Variants in TBC1D5 observed in about 807,000 individuals in gnomAD.
The protein encoded by TBC1D5 is TBC1 domain family, member 5.
A neutral mutation model predicts 100.3 loss-of-function variants in TBC1D5; 75 were observed. The observed-to-expected ratio is 0.75, with a 90% confidence interval of 0.62 to 0.91. The LOEUF is 0.91. TBC1D5 is among the 40% of genes least tolerant of loss of function. TBC1D5 has a pLI of 0.00. For synonymous variants in TBC1D5, 323 were observed against 325.6 expected, an observed-to-expected ratio of 0.99 and a Z score of 0.09; for missense variants, 910 against 942.4, an observed-to-expected ratio of 0.97 and a Z score of 0.45.
chr3:17,443,452 T>A (rs1410425135), intron 3 of TBC1D5, among the ~76,000 whole-genome samples: 1 of 152,224 alleles, frequency 6.6e-6, no homozygotes, highest in Non-Finnish European at 1.5e-5. Context: ...TATCAACCAA[T>A]GAGAATTCCT....
chr3:17,259,237 A>C (rs2078038711), intron 15 of TBC1D5, among the ~76,000 whole-genome samples: 1 of 152,222 alleles, frequency 6.6e-6, no homozygotes. Flanking sequence ...AAAGTAGCAA[A>C]AACACTGCCC....
chr3:17,394,413 A>C (rs2093441804), intron 8 of TBC1D5, among the ~76,000 whole-genome samples: 1 of 152,094 alleles, frequency 6.6e-6, no homozygotes, highest in Non-Finnish European at 1.5e-5. Flanking sequence ...TTAACAAGTT[A>C]TATTTGTTTA....
At chr3:17,340,400 A>G (rs2088686848) in intron 13 of TBC1D5, among the ~76,000 whole-genome samples, 1 of 152,208 alleles carries the variant, frequency 6.6e-6, no homozygotes, top group Non-Finnish European at 1.5e-5. Context: ...GTAGGCTCAC[A>G]TATAATTCCA....
intron 19 of TBC1D5, among the ~76,000 whole-genome samples, chr3:17,179,291 C>T (rs983325607): frequency 6.6e-6 from 1 of 152,212 alleles, no homozygotes; most frequent in African/African-American, 2.4e-5. Flanking sequence ...TTCTTCCTCA[C>T]TTTTTCAAAT....
At chr3:17,718,036 G>C (rs555073144) in intron 1 of TBC1D5, among the ~76,000 whole-genome samples, 1 of 152,234 alleles carries the variant, frequency 6.6e-6, no homozygotes, top group African/African-American at 2.4e-5. Flanking sequence ...GAAGTACGAA[G>C]TCAATAAGAC....
rs117185041 is a variant in TBC1D5, at chr3:17,184,147, C to T, written c.1852+962G>A. 8.9e-3 allele frequency among the ~76,000 whole-genome samples: 1,360 copies of T among 152,268 alleles called. 79 individuals carry two copies. Among genetic ancestry groups the T allele is most frequent in the Admixed American group, 0.071 (1,084 of 15,290 alleles). ...CTGAAGTGATTCATACATGAGTCAGCATAAAGTATCTCTAATGTGAGATAT... is the reference window on the plus strand; with the variant it reads ...CTGAAGTGATTCATACATGAGTCAGTATAAAGTATCTCTAATGTGAGATAT... On this transcript the variant is annotated intron_variant, in intron 19 of 21. Coordinates refer to ENST00000253692, the Ensembl canonical transcript of TBC1D5.
At chr3:17,430,560 G>T (rs190359811) in intron 3 of TBC1D5, among the ~76,000 whole-genome samples, 210 of 151,810 alleles carry the variant, frequency 1.4e-3, no homozygotes, top group Non-Finnish European at 2.3e-3. Context: ...AGCAAATAAG[G>T]AGTACAATTG....
At chr3:17,445,709 T>A (rs76924461) in intron 3 of TBC1D5, among the ~76,000 whole-genome samples, 1 of 152,208 alleles carries the variant, frequency 6.6e-6, no homozygotes, top group African/African-American at 2.4e-5. Flanking sequence ...AGCATGGTTG[T>A]TAATCTCTTA....
intron 10 of TBC1D5, 78 bp downstream of exon 10, chr3:17,376,447 A>C: frequency 8.2e-7 from 1 of 1,215,352 alleles, no homozygotes; most frequent in Non-Finnish European, 1.2e-6. Context: ...TCCATTTAGA[A>C]GATTTTGAGG....
intron 16 of TBC1D5, among the ~76,000 whole-genome samples, chr3:17,252,764 T>C (rs969459512): frequency 6.6e-6 from 1 of 152,228 alleles, no homozygotes; most frequent in Admixed American, 6.5e-5. Context: ...ATTCTTCCAA[T>C]GACTATAATC....
intron 3 of TBC1D5, among the ~76,000 whole-genome samples, chr3:17,434,888 T>C (rs1477333347): frequency 6.6e-6 from 1 of 152,218 alleles, no homozygotes; most frequent in African/African-American, 2.4e-5. Flanking sequence ...TTGAATGCTT[T>C]GTTGCTTAGA....
intron 18 of TBC1D5, among the ~76,000 whole-genome samples, chr3:17,207,929 T>A (rs1167933892): frequency 6.6e-6 from 1 of 152,226 alleles, no homozygotes; most frequent in African/African-American, 2.4e-5. Flanking sequence ...AGTCTTCAAA[T>A]CTGAAAGGTA....
intron 1 of TBC1D5, among the ~76,000 whole-genome samples, chr3:17,701,282 C>A (rs1253883309): frequency 6.6e-6 from 1 of 151,920 alleles, no homozygotes; most frequent in African/African-American, 2.4e-5. Context: ...TGAACGAGAT[C>A]ACTTGGACAT....
chr3:17,568,604 T>A (rs2096607446), intron 2 of TBC1D5, among the ~76,000 whole-genome samples: 4 of 151,636 alleles, frequency 2.6e-5, no homozygotes, highest in Admixed American at 2.6e-4. Flanking sequence ...TAATTAAAAT[T>A]TAAATCTTAA....
chr3:17,212,458 T>G (rs2073096325), intron 18 of TBC1D5, among the ~76,000 whole-genome samples: 1 of 152,210 alleles, frequency 6.6e-6, no homozygotes, highest in South Asian at 2.1e-4. Flanking sequence ...TTTACTACAT[T>G]ATACTTTTTA....
At chr3:17,365,539 G>A (rs914029388) in intron 13 of TBC1D5, among the ~76,000 whole-genome samples, 2 of 152,148 alleles carry the variant, frequency 1.3e-5, no homozygotes, top group African/African-American at 4.8e-5. Context: ...TAAGCCTTCA[G>A]GCTATGGCTT....
chr3:17,582,783 AG>A (rs1204812451), intron 2 of TBC1D5, among the ~76,000 whole-genome samples: 3 of 151,356 alleles, frequency 2.0e-5, no homozygotes, highest in African/African-American at 4.9e-5. Context: ...GATACCAAAA[AG>A]CAAAAAAAAA....
chr3:17,178,123 T>C (rs563102757), intron 19 of TBC1D5, among the ~76,000 whole-genome samples: 1 of 147,234 alleles, frequency 6.8e-6, no homozygotes, highest in African/African-American at 2.5e-5. Flanking sequence ...TGGAGTGCAG[T>C]GGCGCGATCT....
In TBC1D5 at chr3:17,406,753, C is replaced by T. The variant is rs140326412; in HGVS notation, c.168-227G>A. The T allele has an allele frequency of 4.9e-4, 242 of 491,448 alleles. 1 individual carries two copies. The highest frequency in any genetic ancestry group is 4.5e-3 in the African/African-American group (226 of 49,976). 30.4% of individuals were successfully genotyped at this position (491,448 alleles called of 1,614,324 possible). On this transcript the variant is annotated intron_variant, in intron 4 of 21. Transcript: ENST00000253692. ...TATAATTACGCCAGCTACTGAAATT[C>T]ATAATGTCTATGGAGGCTATTCCAT...
Sources: allele counts gnomAD v4.1 joint callset (sites outside exome capture counted in the v4.1 genomes callset), GRCh38; gene constraint gnomAD v4.1.1; transcripts MANE v1.5; gene names NCBI Gene and HGNC (gene_info 2026-07-23, HGNC 2026-07-21).